The following SYT17 variants were observed in gnomAD, a reference collection of about 807,000 sequenced individuals.
The protein encoded by SYT17 is synaptotagmin 17.
SYT17 carries 22 observed loss-of-function variants against 46.7 expected under a neutral mutation model. The observed-to-expected ratio is 0.47, with a 90% CI of 0.34 to 0.67. SYT17 has a LOEUF of 0.67. Ranked by LOEUF, SYT17 falls within the 30% of genes least tolerant of loss-of-function variation. The pLI, the probability that SYT17 is intolerant of heterozygous loss-of-function variation, is 0.01. For missense variants in SYT17, 519 were observed against 612.8 expected (o/e 0.85, Z 1.62); for synonymous variants, 251 against 248.4 (o/e 1.01, Z -0.10).
intron 5 of SYT17, among the ~76,000 whole-genome samples, chr16:19,196,042 A>G (rs777446722): frequency 2.3e-4 from 35 of 152,176 alleles, no homozygotes; most frequent in Admixed American, 9.8e-4. Flanking sequence ...GTCATGCTAT[A>G]TATGCTGAAT....
chr16:19,231,221 C>T (rs1966669581), intron 7 of SYT17, among the ~76,000 whole-genome samples: 1 of 152,058 alleles, frequency 6.6e-6, no homozygotes. Context: ...TAGCCTTCTC[C>T]CTCCCTCAGT....
chr16:19,181,326 G>C (rs888122678), intron 4 of SYT17, among the ~76,000 whole-genome samples: 1 of 152,164 alleles, frequency 6.6e-6, no homozygotes, highest in African/African-American at 2.4e-5. Context: ...ACCTCCTTCT[G>C]CTCCACAAAA....
At chr16:19,181,583 G>A (rs1045109216) in intron 4 of SYT17, among the ~76,000 whole-genome samples, 9 of 152,100 alleles carry the variant, frequency 5.9e-5, no homozygotes, top group Admixed American at 2.6e-4. Flanking sequence ...CTAGAGCTGC[G>A]CTGTCTGGTA....
chr16:19,210,757 T>A (rs1965868909), intron 5 of SYT17, among the ~76,000 whole-genome samples: 2 of 152,204 alleles, frequency 1.3e-5, no homozygotes, highest in Admixed American at 1.3e-4. Context: ...CAATAGACTT[T>A]ATCCAACCGG....
chr16:19,221,442 T>A (rs1966314759), intron 5 of SYT17, among the ~76,000 whole-genome samples: 1 of 152,160 alleles, frequency 6.6e-6, no homozygotes, highest in Non-Finnish European at 1.5e-5. Flanking sequence ...AATAGCCTGA[T>A]TCTTGAATTG....
At chr16:19,242,194 CCTTGACATT>C (rs1967183873) in intron 7 of SYT17, among the ~76,000 whole-genome samples, 1 of 152,140 alleles carries the variant, frequency 6.6e-6, no homozygotes, top group African/African-American at 2.4e-5. Flanking sequence ...CCTTTCATGA[CCTTGACATT>C]CTAGTTGGGG....
intron 2 of SYT17, 33 bp from the exon 3 acceptor site, chr16:19,173,397 C>CCA: frequency 4.0e-6 from 3 of 753,806 alleles, no homozygotes; most frequent in Non-Finnish European, 4.1e-6. Context: ...CCCTCTCCCC[C>CCA]ATCCCCCCGC....
chr16:19,199,141 C>A (rs567775374), intron 5 of SYT17, among the ~76,000 whole-genome samples: 3 of 152,260 alleles, frequency 2.0e-5, no homozygotes, highest in African/African-American at 7.2e-5. Context: ...AGAGCCTGGT[C>A]CCTGCCCTTG....
chr16:19,212,604 G>A (rs1965948362), intron 5 of SYT17, among the ~76,000 whole-genome samples: 1 of 152,178 alleles, frequency 6.6e-6, no homozygotes, highest in South Asian at 2.1e-4. Context: ...TTGAGCCACA[G>A]AGCGAGATTC....
chr16:19,211,198 T>C (rs1965886330), intron 5 of SYT17: 2 of 469,572 alleles, frequency 4.3e-6, no homozygotes, highest in African/African-American at 4.0e-5. Context: ...TGTTTATTTG[T>C]GACATCGCTT....
chr16:19,179,308 T>C (rs1408453343), intron 3 of SYT17, among the ~76,000 whole-genome samples: 1 of 152,148 alleles, frequency 6.6e-6, no homozygotes, highest in Non-Finnish European at 1.5e-5. Flanking sequence ...AAAAAATTTT[T>C]TTGTAGAAAC....
At chr16:19,231,463 C>T (rs764963699) in intron 7 of SYT17, among the ~76,000 whole-genome samples, 16 of 120,858 alleles carry the variant, frequency 1.3e-4, no homozygotes, top group Non-Finnish European at 1.9e-4. Context: ...CCCAGCTACT[C>T]GGGAGGCTAA....
intron 7 of SYT17, among the ~76,000 whole-genome samples, chr16:19,245,592 C>T (rs771784346): frequency 1.3e-5 from 2 of 152,230 alleles, no homozygotes; most frequent in Non-Finnish European, 2.9e-5. Context: ...TTCTCTTTAA[C>T]TGCCTGAGTG....
chr16:19,209,900 A>C (rs556990892), intron 5 of SYT17, among the ~76,000 whole-genome samples: 58 of 21,668 alleles, frequency 2.7e-3, no homozygotes, highest in Admixed American at 0.016. Flanking sequence ...AACAAAACAA[A>C]AACAACAACA....
intron 7 of SYT17, among the ~76,000 whole-genome samples, chr16:19,229,933 A>T (rs1319759405): frequency 6.6e-6 from 1 of 152,246 alleles, no homozygotes; most frequent in Admixed American, 6.5e-5. Context: ...GGAAGACATT[A>T]TGCTAAGTGA....
At chr16:19,206,952 G>A (rs1341571916) in intron 5 of SYT17, among the ~76,000 whole-genome samples, 1 of 152,194 alleles carries the variant, frequency 6.6e-6, no homozygotes, top group Non-Finnish European at 1.5e-5. Flanking sequence ...CAATGTTGGA[G>A]GTGGGACCTA....
intron 7 of SYT17, among the ~76,000 whole-genome samples, chr16:19,238,163 G>A (rs1966874064): frequency 6.6e-6 from 1 of 152,208 alleles, no homozygotes; most frequent in African/African-American, 2.4e-5. Context: ...AGGATCAGCA[G>A]AACATGCTGA....
In SYT17 at chr16:19,219,710, C is replaced by A. The variant is rs567703091; in HGVS notation, c.952-3335C>A. Among the ~76,000 whole-genome samples, 52 of 152,246 alleles carry A rather than the reference C, an allele frequency of 3.4e-4. 1 individual carries two copies. Among genetic ancestry groups the A allele is most frequent in the Middle Eastern group, 3.4e-3 (1 of 294 alleles). On this transcript the variant is annotated intron_variant, in intron 5 of 7. Transcript: ENST00000355377. ...TTTTCTTCCTAATACTTAGCATTAC[C>A]TGAAATCATCTCATTTATGTATTTT...
Position 19,268,272 on chromosome 16 carries a change from A to G in SYT17, c.*1196A>G, listed in dbSNP as rs980428705. The G allele has an allele frequency of 9.2e-5, 14 of 152,172 alleles. No individual in the cohort carries two copies. The highest frequency in any genetic ancestry group is 3.1e-4 in the African/African-American group (13 of 41,498). 9.4% of individuals were successfully genotyped at this position (152,172 alleles called of 1,614,324 possible). On this transcript the variant is annotated 3_prime_UTR_variant, in exon 8 of 8. Coordinates refer to ENST00000355377, the MANE Select transcript of SYT17 (RefSeq NM_016524.4). ...ATGCTTCTGTATCTTTTTCCACAGC[A>G]TAATGTCTGGTGTGATGGGGAGCTA...
Sources: gnomAD v4.1 joint callset for allele counts (sites outside exome capture counted in the v4.1 genomes callset) on GRCh38, gnomAD v4.1.1 for gene constraint, MANE v1.5 for transcripts, NCBI Gene and HGNC (gene_info 2026-07-23, HGNC 2026-07-21) for gene names.